LHPP: variants seen among roughly 807,000 people sequenced by gnomAD.
LHPP encodes the protein phospholysine phosphohistidine inorganic pyrophosphate phosphatase, also known as hLHPP.
In LHPP, 24 loss-of-function variants were observed where a neutral mutation model predicts 30.3. That is an observed-to-expected ratio of 0.79 (90% CI 0.57 to 1.11). LHPP has a LOEUF of 1.11. Among genes scored for constraint, LHPP ranks in the 50% most tolerant of loss-of-function variants. LHPP has a pLI of 0.00. For missense variants in LHPP, 356 were observed against 367.2 expected (o/e 0.97, Z 0.25); for synonymous variants, 150 against 157.1 (o/e 0.95, Z 0.34).
In LHPP at chr10:124,572,699, A is replaced by G. The variant is rs553233105; in HGVS notation, c.717-40565A>G. Among the ~76,000 whole-genome samples the G allele has an allele frequency of 3.2e-4, 45 of 141,730 alleles. No homozygotes were observed. In the South Asian group the frequency reaches 8.8e-3, roughly 28 times the overall value. 93.0% of individuals were successfully genotyped at this position (141,730 alleles called of 152,430 possible). A position where few individuals can be genotyped will look rare whatever the true frequency, so the allele number is the denominator to read the frequency against. ...AAAAGAAGGAAGGGAGGGAGGAAGGAAGGGAGGGAGGGAGAAAGGAGGAAG... is the reference window on the plus strand; with the variant it reads ...AAAAGAAGGAAGGGAGGGAGGAAGGGAGGGAGGGAGGGAGAAAGGAGGAAG... On this transcript the variant is annotated intron_variant, in intron 6 of 6. Coordinates refer to ENST00000368842, the MANE Select transcript of LHPP (RefSeq NM_022126.4).
chr10:124,591,494 A>G (rs923547667), intron 6 of LHPP, among the ~76,000 whole-genome samples: 6 of 152,146 alleles, frequency 3.9e-5, no homozygotes, highest in Non-Finnish European at 8.8e-5. Context: ...CAGGCCATGC[A>G]GGTAGAGAAC....
rs1948537666 is a variant in LHPP at position 124,568,806 on chromosome 10, T to A, written c.717-44458T>A. On this transcript the variant is annotated intron_variant, in intron 6 of 6. Transcript: ENST00000368842. ...TCACCTCGCCGTTACACACGTCACT[T>A]CATTTAATTTTTAAACAACAGTCCT... Among the ~76,000 whole-genome samples, 3 of 152,254 alleles carry A rather than the reference T, an allele frequency of 2.0e-5. No individual in the cohort carries two copies. The South Asian group carries it at 6.2e-4, about 32-fold the overall frequency.
chr10:124,519,265 A>T (rs75833846), intron 6 of LHPP, among the ~76,000 whole-genome samples: 1 of 152,224 alleles, frequency 6.6e-6, no homozygotes, highest in South Asian at 2.1e-4. Context: ...GAGAAACTCC[A>T]TCAACAGTTT....
intron 5 of LHPP, among the ~76,000 whole-genome samples, chr10:124,506,241 C>T (rs1160399990): frequency 6.6e-6 from 1 of 150,402 alleles, no homozygotes; most frequent in Non-Finnish European, 1.5e-5. Flanking sequence ...AGAGTAAGAC[C>T]TTGTCTCAAA....
chr10:124,607,530 C>G (rs1169504087), intron 6 of LHPP, among the ~76,000 whole-genome samples: 4 of 152,226 alleles, frequency 2.6e-5, no homozygotes, highest in African/African-American at 9.6e-5. Context: ...GCTAGGTACA[C>G]GTGCGGAGTG....
At chr10:124,568,298 C>T (rs1948524710) in intron 6 of LHPP, among the ~76,000 whole-genome samples, 1 of 152,208 alleles carries the variant, frequency 6.6e-6, no homozygotes, top group Non-Finnish European at 1.5e-5. Flanking sequence ...GATATACTTT[C>T]ATGGAGTGAA....
chr10:124,605,876 C>T (rs1021466334), intron 6 of LHPP, among the ~76,000 whole-genome samples: 45 of 151,968 alleles, frequency 3.0e-4, no homozygotes, highest in African/African-American at 1.0e-3. Context: ...GAACAGGCTT[C>T]AGCAGAAGAC....
intron 6 of LHPP, among the ~76,000 whole-genome samples, chr10:124,582,074 A>G (rs12767700): frequency 0.4 from 60,328 of 150,766 alleles, 12,123 homozygotes; most frequent in Non-Finnish European, 0.44. Flanking sequence ...GAGCCACCGC[A>G]CCTGGCCTAT....
At chr10:124,514,380 C>G (rs972388768) in intron 5 of LHPP, among the ~76,000 whole-genome samples, 16 of 151,968 alleles carry the variant, frequency 1.1e-4, no homozygotes, top group African/African-American at 3.6e-4. Context: ...GGGTAGATCT[C>G]TTGGTGATGA....
rs761225558 is a variant in LHPP, at chr10:124,496,821, C to G, written c.468-140C>G. The G allele has an allele frequency of 3.6e-5, 26 of 713,526 alleles. No individual in the cohort carries two copies. Among genetic ancestry groups the G allele is most frequent in the Non-Finnish European group, 5.2e-5 (22 of 419,730 alleles). The allele number at this position is 713,526 out of a possible 1,614,324, so 44.2% of individuals were successfully genotyped here. A position where few individuals can be genotyped will look rare whatever the true frequency, so the allele number is the denominator to read the frequency against. ...GCTGGTCCCCTGCGGTCATTCTCAG[C>G]GTAGCGCCTGGACTGCCCCTCAGCC... On this transcript the variant is annotated intron_variant, in intron 3 of 6. Coordinates refer to ENST00000368842, the MANE Select transcript of LHPP (RefSeq NM_022126.4). The surrounding 1 kb of genome is among the most constrained non-coding windows in gnomAD (Gnocchi z 4.3).
At position 124,613,247 on chromosome 10, in the gene LHPP, C is replaced by A. The variant is rs1467888737; in HGVS notation, c.717-17C>A. ...TCAGCGTGGGGGCACTGACTAACCT[C>A]CGGCCATCCTCTCCAGGCCCAGTGA... On this transcript the variant is annotated splice_polypyrimidine_tract_variant and intron_variant, in intron 6 of 6. Transcript: ENST00000368842. 6.2e-7 allele frequency: 1 copy of A among 1,603,276 alleles called. No homozygotes were observed. Among genetic ancestry groups the A allele is most frequent in the South Asian group, 1.1e-5 (1 of 90,882 alleles).
intron 6 of LHPP, among the ~76,000 whole-genome samples, chr10:124,601,095 G>A (rs1016695774): frequency 5.9e-5 from 9 of 152,170 alleles, no homozygotes; most frequent in African/African-American, 2.2e-4. Context: ...TAGGGAATGA[G>A]GCCCAGGGAG....
intron 6 of LHPP, among the ~76,000 whole-genome samples, chr10:124,574,456 A>C (rs4962655): frequency 6.6e-6 from 1 of 151,984 alleles, no homozygotes; most frequent in African/African-American, 2.4e-5. Flanking sequence ...GCGGGAGCTC[A>C]GTCTGGCTTT....
chr10:124,464,471 A>G (rs539101514), intron 1 of LHPP, among the ~76,000 whole-genome samples: 87 of 152,340 alleles, frequency 5.7e-4, no homozygotes, highest in Non-Finnish European at 1.0e-3. Context: ...AACTGGGAAC[A>G]GGGAGACTTG....
chr10:124,507,962 A>C (rs1202079305), intron 5 of LHPP, among the ~76,000 whole-genome samples: 1 of 147,734 alleles, frequency 6.8e-6, no homozygotes, highest in African/African-American at 2.5e-5. Context: ...CATGGCTCGC[A>C]CCCTCAGAAC....
chr10:124,515,567 TG>T (rs1169017797), intron 5 of LHPP, among the ~76,000 whole-genome samples: 1 of 152,216 alleles, frequency 6.6e-6, no homozygotes, highest in Non-Finnish European at 1.5e-5. Context: ...ACCTTCTTTT[TG>T]GGTGCTGGAT....
rs373400568 is a variant in LHPP, at chr10:124,613,227, G to A, written c.717-37G>A. ...TGGGTGTGGCTGCAGAGGGGTCAGC[G>A]TGGGGGCACTGACTAACCTCCGGCC... On this transcript the variant is annotated intron_variant, in intron 6 of 6. Coordinates refer to ENST00000368842, the MANE Select transcript of LHPP (RefSeq NM_022126.4). The A allele has an allele frequency of 2.1e-5, 32 of 1,496,914 alleles. No individual in the cohort carries two copies. The East Asian group carries it at 2.3e-4, about 11-fold the overall frequency. The allele number at this position is 1,496,914 out of a possible 1,614,324, so 92.7% of individuals were successfully genotyped here.
chr10:124,517,551 G>A lies in LHPP; in HGVS notation c.716+280G>A, dbSNP rs74160917. ...CAAAGGCACTATCCATCCTGGCGGCGGCCCACCAGGGAGTTGGGCCGAATT... is the reference window on the plus strand; with the variant it reads ...CAAAGGCACTATCCATCCTGGCGGCAGCCCACCAGGGAGTTGGGCCGAATT... On this transcript the variant is annotated intron_variant, in intron 6 of 6. Transcript: ENST00000368842. The surrounding 1 kb of genome is among the most constrained non-coding windows in gnomAD (Gnocchi z 4.1). 4.6e-3 allele frequency among the ~76,000 whole-genome samples: 704 copies of A among 152,236 alleles called. 3 individuals are homozygous for A. Among genetic ancestry groups the A allele is most frequent in the African/African-American group, 0.016 (674 of 41,526 alleles).
chr10:124,551,997 A>G (rs960572139), intron 6 of LHPP, among the ~76,000 whole-genome samples: 3 of 151,990 alleles, frequency 2.0e-5, no homozygotes, highest in Non-Finnish European at 4.4e-5. Context: ...AGGCACGTCC[A>G]TCCCCTCCCC....
Sources: gnomAD v4.1 joint callset for allele counts (sites outside exome capture counted in the v4.1 genomes callset) on GRCh38, gnomAD v4.1.1 for gene constraint, Gnocchi (gnomAD v3.1) non-coding constraint, MANE v1.5 for transcripts, NCBI Gene and HGNC (gene_info 2026-07-23, HGNC 2026-07-21) for gene names.